The following CNTN5 variants were observed in gnomAD, a reference collection of about 807,000 sequenced individuals.
The protein encoded by CNTN5 is contactin-5.
Under a neutral mutation model 129.1 loss-of-function variants are expected in CNTN5, and 77 were observed. The ratio of observed to expected loss-of-function variants is 0.60; its 90% CI spans 0.50 to 0.72. The LOEUF (loss-of-function observed/expected upper bound fraction) is 0.72. Among genes scored for constraint, CNTN5 ranks in the 30% least tolerant of loss-of-function variants. The pLI is 0.00. For missense variants in CNTN5, 1,478 were observed against 1,328.8 expected (o/e 1.11, Z -1.75); for synonymous variants, 509 against 465.6 (o/e 1.09, Z -1.20).
chr11:99,786,017 A>T (rs973754501), intron 3 of CNTN5, among the ~76,000 whole-genome samples: 11 of 151,866 alleles, frequency 7.2e-5, no homozygotes, highest in African/African-American at 2.7e-4. Context: ...CAATCAGGCA[A>T]GAGAAAGAAA....
At chr11:99,934,071 A>G (rs1388089976) in intron 7 of CNTN5, among the ~76,000 whole-genome samples, 4 of 152,212 alleles carry the variant, frequency 2.6e-5, no homozygotes, top group African/African-American at 7.2e-5. Flanking sequence ...TGATGATAGT[A>G]TATATTGTTT....
chr11:100,287,578 G>A (rs1236322318), intron 18 of CNTN5, among the ~76,000 whole-genome samples: 6 of 150,408 alleles, frequency 4.0e-5, no homozygotes, highest in Admixed American at 6.6e-5. Context: ...GTCACCACCA[G>A]GCCTGCCCTA....
intron 1 of CNTN5, among the ~76,000 whole-genome samples, chr11:99,272,714 T>C (rs1413951311): frequency 6.6e-6 from 1 of 151,874 alleles, no homozygotes; most frequent in African/African-American, 2.4e-5. Flanking sequence ...AAAGTGTTAA[T>C]TGTATTCAAA....
chr11:99,021,610 A>G (rs1862872293), intron 1 of CNTN5, among the ~76,000 whole-genome samples: 1 of 152,220 alleles, frequency 6.6e-6, no homozygotes, highest in South Asian at 2.1e-4. Flanking sequence ...TGTTTCTACA[A>G]AAGAAACTAA....
chr11:99,964,936 G>A (rs1951053526), intron 8 of CNTN5, among the ~76,000 whole-genome samples: 1 of 152,164 alleles, frequency 6.6e-6, no homozygotes, highest in Admixed American at 6.5e-5. Flanking sequence ...AGATTTTCTA[G>A]TTTATTTGCG....
chr11:99,338,370 C>T (rs1045566922), intron 2 of CNTN5, among the ~76,000 whole-genome samples: 6 of 152,188 alleles, frequency 3.9e-5, no homozygotes, highest in Non-Finnish European at 8.8e-5. Flanking sequence ...TTCAGTAATA[C>T]TCAAATCACA....
intron 2 of CNTN5, among the ~76,000 whole-genome samples, chr11:99,452,808 T>C (rs1209337573): frequency 2.0e-5 from 3 of 152,148 alleles, no homozygotes; most frequent in Non-Finnish European, 4.4e-5. Context: ...AAATTACAAA[T>C]AAAAAGACTG....
At chr11:100,291,254 C>A (rs1478542912) in intron 18 of CNTN5, among the ~76,000 whole-genome samples, 1 of 151,694 alleles carries the variant, frequency 6.6e-6, no homozygotes, top group Admixed American at 6.6e-5. Context: ...CATCCCATTA[C>A]TGGGTATATA....
intron 6 of CNTN5, among the ~76,000 whole-genome samples, chr11:99,846,323 A>G (rs1389450406): frequency 7.7e-6 from 1 of 130,438 alleles, no homozygotes; most frequent in Non-Finnish European, 1.5e-5. Flanking sequence ...GCGCCACCAC[A>G]CTCCAGCCTG....
At chr11:99,667,785 G>C (rs1952855581) in intron 3 of CNTN5, among the ~76,000 whole-genome samples, 1 of 152,008 alleles carries the variant, frequency 6.6e-6, no homozygotes, top group Non-Finnish European at 1.5e-5. Context: ...CACACACCAG[G>C]GCTTGTTAGC....
intron 13 of CNTN5, among the ~76,000 whole-genome samples, chr11:100,097,881 A>G (rs966911086): frequency 6.6e-6 from 1 of 152,104 alleles, no homozygotes; most frequent in African/African-American, 2.4e-5. Context: ...TTATTCCCAT[A>G]TATTTCCTTT....
chr11:100,040,672 A>G (rs527405886), intron 9 of CNTN5, among the ~76,000 whole-genome samples: 16 of 152,048 alleles, frequency 1.1e-4, no homozygotes, highest in Non-Finnish European at 1.8e-4. Context: ...TAACTCATCA[A>G]TGGTGGGCGC....
intron 13 of CNTN5, among the ~76,000 whole-genome samples, chr11:100,141,026 G>GA (rs1422317648): frequency 6.6e-6 from 1 of 152,112 alleles, no homozygotes; most frequent in Non-Finnish European, 1.5e-5. Flanking sequence ...TTGTCGGCAG[G>GA]AAAAATCCAG....
At chr11:100,161,964 A>G (rs1417046960) in intron 13 of CNTN5, among the ~76,000 whole-genome samples, 1 of 151,744 alleles carries the variant, frequency 6.6e-6, no homozygotes, top group Non-Finnish European at 1.5e-5. Context: ...TACTCAAATA[A>G]GTCATCTTCT....
At chr11:99,887,004 C>T (rs1170284791) in intron 6 of CNTN5, among the ~76,000 whole-genome samples, 1 of 152,092 alleles carries the variant, frequency 6.6e-6, no homozygotes, top group Non-Finnish European at 1.5e-5. Flanking sequence ...TTATACTAGT[C>T]AGGTTCTGTT....
chr11:99,060,383 T>A (rs1864823857), intron 1 of CNTN5, among the ~76,000 whole-genome samples: 1 of 152,132 alleles, frequency 6.6e-6, no homozygotes. Flanking sequence ...CTGAGAAAGT[T>A]TTTATTTTAA....
At chr11:99,617,205 C>T (rs376026980) in intron 3 of CNTN5, among the ~76,000 whole-genome samples, 122 of 152,272 alleles carry the variant, frequency 8.0e-4, no homozygotes, top group African/African-American at 2.8e-3. Flanking sequence ...TTAAGATATG[C>T]TAACTAGTCT....
intron 1 of CNTN5, among the ~76,000 whole-genome samples, chr11:99,274,979 G>T (rs1294914058): frequency 6.6e-6 from 1 of 151,314 alleles, no homozygotes; most frequent in Admixed American, 6.6e-5. Context: ...TTTATAATTT[G>T]AAAGTACAAA....
At chr11:99,271,494 A>T (rs561357812) in intron 1 of CNTN5, among the ~76,000 whole-genome samples, 197 of 152,006 alleles carry the variant, frequency 1.3e-3, no homozygotes, top group African/African-American at 4.6e-3. Context: ...CACTTGTATT[A>T]TTTATTGCTA....
Sources: allele counts gnomAD v4.1 joint callset (sites outside exome capture counted in the v4.1 genomes callset), GRCh38; gene constraint gnomAD v4.1.1; transcripts MANE v1.5; gene names NCBI Gene and HGNC (gene_info 2026-07-23, HGNC 2026-07-21).